Variants in MICAL3 observed in about 807,000 individuals in gnomAD.
MICAL3 encodes microtubule associated monooxygenase, calponin and LIM domain containing 3, also known as [F-actin]-monooxygenase MICAL3.
A neutral mutation model predicts 207.4 loss-of-function variants in MICAL3; 62 were observed. That is an observed-to-expected ratio of 0.30 (90% CI 0.24 to 0.37). MICAL3 has a LOEUF of 0.37. MICAL3 is among the 10% of genes least tolerant of loss of function. MICAL3 has a pLI of 1.00. For synonymous variants in MICAL3, 1,077 were observed against 1,069.3 expected (o/e 1.01, Z -0.14); for missense variants, 2,368 against 2,635.6 (o/e 0.90, Z 2.22).
At chr22:17,922,074 G>A (rs191872163) in intron 1 of MICAL3, among the ~76,000 whole-genome samples, 11 of 152,060 alleles carry the variant, frequency 7.2e-5, no homozygotes, top group East Asian at 3.9e-4. Context: ...TCAGCATTCC[G>A]GACCTCACTA....
At chr22:18,008,701 G>A (rs907086453) in intron 1 of MICAL3, among the ~76,000 whole-genome samples, 1 of 152,218 alleles carries the variant, frequency 6.6e-6, no homozygotes, top group Non-Finnish European at 1.5e-5. Flanking sequence ...ATATCTCATA[G>A]TGAGGTTTAA....
intron 29 of MICAL3, among the ~76,000 whole-genome samples, chr22:17,794,197 G>A (rs2061852721): frequency 6.6e-6 from 1 of 152,248 alleles, no homozygotes; most frequent in African/African-American, 2.4e-5. Context: ...CTTATCAGGA[G>A]GGCAGTGGCA....
chr22:17,911,623 AG>A (rs1271902975), intron 1 of MICAL3, among the ~76,000 whole-genome samples: 2 of 152,210 alleles, frequency 1.3e-5, no homozygotes, highest in African/African-American at 4.8e-5. Flanking sequence ...ACTTGAGCCC[AG>A]GAGTTCAAGA....
chr22:17,887,954 A>C (rs1284199259), intron 13 of MICAL3, among the ~76,000 whole-genome samples: 1 of 152,234 alleles, frequency 6.6e-6, no homozygotes. Flanking sequence ...GTCATGGCTA[A>C]CCAGGAAAAG....
intron 19 of MICAL3, chr22:17,858,566 T>C (rs1396219996): frequency 1.7e-6 from 1 of 595,764 alleles, no homozygotes; most frequent in African/African-American, 2.0e-5. Context: ...TACGGCATCA[T>C]CCTGCCCTAT....
At position 17,887,318 on chromosome 22, in the gene MICAL3, C is replaced by A. The variant is rs779576479; in HGVS notation, c.2004+5G>T. ...TGCAGCCCATCAAGAGACTCCTCCACATACCTTGGGAGAACGCTTCCGAGA... is the reference window on the plus strand; with the variant it reads ...TGCAGCCCATCAAGAGACTCCTCCAAATACCTTGGGAGAACGCTTCCGAGA... On this transcript the variant is annotated splice_donor_5th_base_variant and intron_variant, in intron 14 of 31. Coordinates refer to ENST00000441493, the MANE Select transcript of MICAL3 (RefSeq NM_015241.3). The A allele has an allele frequency of 6.2e-7, 1 of 1,612,472 alleles. No individual in the cohort carries two copies. The highest frequency in any genetic ancestry group is 8.5e-7 in the Non-Finnish European group (1 of 1,178,566).
chr22:17,848,559 G>A (rs1178813905), intron 19 of MICAL3, among the ~76,000 whole-genome samples: 1 of 152,102 alleles, frequency 6.6e-6, no homozygotes, highest in Non-Finnish European at 1.5e-5. Context: ...ATCTTGCTTT[G>A]AGCTAAAGTT....
chr22:17,986,964 C>T (rs1921085128), intron 1 of MICAL3, among the ~76,000 whole-genome samples: 4 of 152,014 alleles, frequency 2.6e-5, no homozygotes, highest in African/African-American at 7.2e-5. Flanking sequence ...TTTCGACTGG[C>T]GTGGTGGCTC....
At chr22:17,956,800 A>T (rs1934636187) in intron 1 of MICAL3, among the ~76,000 whole-genome samples, 1 of 152,218 alleles carries the variant, frequency 6.6e-6, no homozygotes. Context: ...GAAGGTGCTC[A>T]CGTGAGAGAC....
At chr22:17,980,943 A>G (rs544891221) in intron 1 of MICAL3, 8 of 530,912 alleles carry the variant, frequency 1.5e-5, no homozygotes, top group Admixed American at 3.9e-5. Context: ...TGCCCTGCAC[A>G]CTTGGAGGTG....
chr22:17,982,809 T>C (rs1221521485), intron 1 of MICAL3, among the ~76,000 whole-genome samples: 1 of 152,046 alleles, frequency 6.6e-6, no homozygotes, highest in African/African-American at 2.4e-5. Context: ...AAAGTTTTAA[T>C]ACATTCTCCC....
Position 17,788,886 on chromosome 22 carries a change from G to A in MICAL3, c.*1846C>T, listed in dbSNP as rs1262402186. ...CACTCAGCCTGCTCCACTGCGGGAC[G>A]CCTTGGAGGGGCCAGGCCTCTGCTC... On this transcript the variant is annotated 3_prime_UTR_variant, in exon 32 of 32. Coordinates refer to ENST00000441493, the MANE Select transcript of MICAL3 (RefSeq NM_015241.3). The A allele has an allele frequency of 6.6e-6, 1 of 152,412 alleles. No individual in the cohort carries two copies. The highest frequency in any genetic ancestry group is 1.9e-4 in the East Asian group (1 of 5,200). 9.4% of individuals were successfully genotyped at this position (152,412 alleles called of 1,614,324 possible). A position where few individuals can be genotyped will look rare whatever the true frequency, so the allele number is the denominator to read the frequency against.
chr22:17,861,914 T>A (rs1457799505), intron 19 of MICAL3: 1 of 985,224 alleles, frequency 1.0e-6, no homozygotes, highest in African/African-American at 1.7e-5. Flanking sequence ...AGGTTGTAAT[T>A]GGGTGTGGGT....
chr22:17,994,631 T>C (rs1922073403), intron 1 of MICAL3, among the ~76,000 whole-genome samples: 1 of 151,048 alleles, frequency 6.6e-6, no homozygotes, highest in Non-Finnish European at 1.5e-5. Context: ...GGGGATGGCC[T>C]GGCCCAGGAG....
At chr22:17,974,510 G>A (rs190707751) in intron 1 of MICAL3, among the ~76,000 whole-genome samples, 2 of 152,196 alleles carry the variant, frequency 1.3e-5, no homozygotes, top group African/African-American at 2.4e-5. Flanking sequence ...CTGGGAGGTG[G>A]AGGTTGGCGT....
chr22:17,836,801 G>A (rs1198502489), intron 20 of MICAL3, among the ~76,000 whole-genome samples: 2 of 151,998 alleles, frequency 1.3e-5, no homozygotes, highest in Non-Finnish European at 2.9e-5. Context: ...CCGCCACCAC[G>A]CCTGGCTAAT....
chr22:17,946,588 G>A (rs1171471707), intron 1 of MICAL3, among the ~76,000 whole-genome samples: 1 of 152,174 alleles, frequency 6.6e-6, no homozygotes, highest in Non-Finnish European at 1.5e-5. Context: ...CACACATGCA[G>A]ACAGAGGCAC....
At chr22:17,803,222 T>C (rs1381761285) in intron 29 of MICAL3, among the ~76,000 whole-genome samples, 1 of 152,042 alleles carries the variant, frequency 6.6e-6, no homozygotes, top group East Asian at 1.9e-4. Flanking sequence ...TGAAAAGAAG[T>C]ACAAAGTGAG....
chr22:17,863,620 A>G (rs1926752785), intron 19 of MICAL3: 1 of 985,308 alleles, frequency 1.0e-6, no homozygotes, highest in African/African-American at 1.7e-5. Context: ...CTCAGATGAT[A>G]ATAAGGGCAC....
Sources: allele counts gnomAD v4.1 joint callset (sites outside exome capture counted in the v4.1 genomes callset), GRCh38; gene constraint gnomAD v4.1.1; transcripts MANE v1.5; gene names NCBI Gene and HGNC (gene_info 2026-07-23, HGNC 2026-07-21).